The following PFKL variants were observed in gnomAD, a reference collection of about 807,000 sequenced individuals.
PFKL encodes the protein phosphofructokinase, liver type, also known as ATP-dependent 6-phosphofructokinase, liver type.
A neutral mutation model predicts 92.1 loss-of-function variants in PFKL; 74 were observed. The observed-to-expected ratio is 0.80, with a 90% CI of 0.67 to 0.97. The LOEUF (loss-of-function observed/expected upper bound fraction) is 0.97, where lower values mean the gene tolerates loss of function less well. Among genes scored for constraint, PFKL ranks in the 50% least tolerant of loss-of-function variants. PFKL has a pLI of 0.00. For missense variants in PFKL, 1,028 were observed against 1,116.6 expected (o/e 0.92, Z 1.13); for synonymous variants, 494 against 456.4 (o/e 1.08, Z -1.05).
intron 1 of PFKL, among the ~76,000 whole-genome samples, chr21:44,303,271 C>T (rs1040520889): frequency 6.6e-5 from 10 of 150,694 alleles, no homozygotes; most frequent in South Asian, 2.1e-4. Flanking sequence ...ATCAGCCAGG[C>T]GTGGTGGTAC....
intron 14 of PFKL, 75 bp downstream of exon 14, chr21:44,322,278 C>A (rs2047377882): frequency 2.1e-6 from 3 of 1,406,102 alleles, no homozygotes; most frequent in East Asian, 2.3e-5. Flanking sequence ...GTGGGGGCGG[C>A]AAGGGGAACC....
rs202193653 is a variant in PFKL at position 44,324,607 on chromosome 21, C to T, written c.1767C>T (p.Ala589=). ...LATVTGIAVG[A]DAAYVFEDPF... Reference sequence around the variant, plus strand: ...CCGTGACTGGCATTGCTGTGGGGGCCGACGCCGCCTACGTCTTCGAGGACC... The same window carrying T: ...CCGTGACTGGCATTGCTGTGGGGGCTGACGCCGCCTACGTCTTCGAGGACC... Residue 589 remains alanine (A), a synonymous_variant, in exon 17 of 22, where the codon GCC becomes GCT. Transcript: ENST00000349048. 39 of 1,611,494 alleles carry T rather than the reference C, an allele frequency of 2.4e-5. No individual in the cohort carries two copies. Among genetic ancestry groups the T allele is most frequent in the Admixed American group, 1.0e-4 (6 of 59,796 alleles).
chr21:44,300,866 C>G (rs1369073755), intron 1 of PFKL, among the ~76,000 whole-genome samples: 1 of 152,198 alleles, frequency 6.6e-6, no homozygotes, highest in Non-Finnish European at 1.5e-5. Flanking sequence ...CACGCTCCCT[C>G]CCGGAGGCCT....
intron 4 of PFKL, 76 bp downstream of exon 4, chr21:44,312,370 A>G: frequency 7.4e-7 from 1 of 1,352,868 alleles, no homozygotes. Context: ...AATGGGCAGG[A>G]CAGAGGGACG....
At chr21:44,306,069 A>C in intron 1 of PFKL, 22 of 766,932 alleles carry the variant, frequency 2.9e-5, no homozygotes, top group Non-Finnish European at 4.1e-5. Flanking sequence ...TGCTTTCCTC[A>C]GTGCCCAGAG....
At chr21:44,305,815 A>C (rs1236396925) in intron 1 of PFKL, 1 of 1,366,808 alleles carries the variant, frequency 7.3e-7, no homozygotes, top group African/African-American at 1.5e-5. Flanking sequence ...TGGCTTTGCC[A>C]AGGCCCCCGC....
chr21:44,308,851 T>C (rs9306096), intron 2 of PFKL, among the ~76,000 whole-genome samples: 58,533 of 151,954 alleles, frequency 0.39, 11,887 homozygotes, highest in East Asian at 0.66. Context: ...CGCGAGCCAC[T>C]GTGCACGGCC....
Position 44,301,722 on chromosome 21 carries a change from G to A in PFKL, c.85+1532G>A, listed in dbSNP as rs796278257. On this transcript the variant is annotated intron_variant, in intron 1 of 21. Coordinates refer to ENST00000349048, the MANE Select transcript of PFKL (RefSeq NM_002626.6). The stretch of plus-strand genomic sequence containing the variant: ...CAGCCCGCCTGCCCACCAGGGAGGC[G>A]CTTTCTTGGTGAGGCTGGTGAAGCC... 2.0e-4 allele frequency among the ~76,000 whole-genome samples: 30 copies of A among 152,228 alleles called. No individual in the cohort carries two copies. In the South Asian group the frequency reaches 2.7e-3, roughly 14 times the overall value.
chr21:44,313,293 A>T, intron 5 of PFKL, 150 bp downstream of exon 5: 1 of 895,008 alleles, frequency 1.1e-6, no homozygotes, highest in Non-Finnish European at 1.7e-6. Flanking sequence ...AGCTGGGGGA[A>T]CGCACAGCGG....
Position 44,305,741 on chromosome 21 carries a change from G to A in PFKL, c.86-940G>A, listed in dbSNP as rs1011425123. 20 of 1,345,656 alleles carry A rather than the reference G, an allele frequency of 1.5e-5. No homozygotes were observed. The African/African-American group carries it at 2.1e-4, about 14-fold the overall frequency. The allele number at this position is 1,345,656 out of a possible 1,614,324, so 83.4% of individuals were successfully genotyped here. A position where few individuals can be genotyped will look rare whatever the true frequency, so the allele number is the denominator to read the frequency against. ...TGGGGGCTCTCGGGAAGAAGGTGTG[G>A]GGTACATTAGCACCAGCGTTTCCTG... On this transcript the variant is annotated intron_variant, in intron 1 of 21. Coordinates refer to ENST00000349048, the MANE Select transcript of PFKL (RefSeq NM_002626.6).
rs747131688 is a variant in PFKL, at chr21:44,323,809, A to G, written c.1541A>G (p.Tyr514Cys). Residue 514 changes from tyrosine (Y) to cysteine (C), a missense_variant, in exon 16 of 22, where the codon TAC becomes TGC. Coordinates refer to ENST00000349048, the MANE Select transcript of PFKL (RefSeq NM_002626.6). The part of the protein sequence containing the change: ...VLQLVEARGR[Y>C]EELCIVMCVI... ...CAGCTGGTGGAGGCTCGCGGGCGCT[A>G]CGAGGAGCTCTGCATCGTCATGTGT... The G allele has an allele frequency of 2.5e-6, 4 of 1,612,838 alleles. No individual in the cohort carries two copies. The Admixed American group carries it at 6.7e-5, about 27-fold the overall frequency.
At chr21:44,317,453 C>T (rs373861693) in intron 9 of PFKL, among the ~76,000 whole-genome samples, 8 of 152,322 alleles carry the variant, frequency 5.3e-5, no homozygotes, top group African/African-American at 1.9e-4. Context: ...TGAAGAGCCT[C>T]TTGAGGGGCC....
At chr21:44,323,113 A>AG (rs2047401675) in intron 15 of PFKL, 64 bp downstream of exon 15, 1 of 1,339,888 alleles carries the variant, frequency 7.5e-7, no homozygotes. Context: ...CCTCCCGCCG[A>AG]GGGGGCCCAT....
rs1006923128 is a variant in PFKL, at chr21:44,321,528, C to T, written c.1192-201C>T. ...AGGGGGCCAGGCTTGCACCGTGTCT[C>T]TTTTGGTCTTCACCAGAATCTTCTG... On this transcript the variant is annotated intron_variant, in intron 12 of 21. Transcript: ENST00000349048. 4.3e-5 allele frequency: 21 copies of T among 483,124 alleles called. 1 individual carries two copies. In the Admixed American group the frequency reaches 8.4e-4, roughly 19 times the overall value. The allele number at this position is 483,124 out of a possible 1,614,324, so 29.9% of individuals were successfully genotyped here.
rs754394939 is a variant in PFKL at position 44,304,501 on chromosome 21, G to T, written c.86-2180G>T. Reference sequence around the variant, plus strand: ...GGACCAGGTCTGCAGGGAGGGCGAGGGAGGGACGGAGGCTTAGCTTCGGCC... The same window carrying T: ...GGACCAGGTCTGCAGGGAGGGCGAGTGAGGGACGGAGGCTTAGCTTCGGCC... On this transcript the variant is annotated intron_variant, in intron 1 of 21. Transcript: ENST00000349048. The T allele has an allele frequency of 6.1e-6, 7 of 1,153,756 alleles. No homozygotes were observed. The African/African-American group carries it at 1.2e-4, about 19-fold the overall frequency. The allele number at this position is 1,153,756 out of a possible 1,614,324, so 71.5% of individuals were successfully genotyped here.
intron 21 of PFKL, 96 bp downstream of exon 21, chr21:44,326,360 C>T: frequency 1.1e-6 from 1 of 934,968 alleles, no homozygotes; most frequent in Non-Finnish European, 1.6e-6. Flanking sequence ...CCACTGGCAC[C>T]CTGACCCCGC....
chr21:44,315,768 C>A, intron 7 of PFKL: 1 of 209,482 alleles, frequency 4.8e-6, no homozygotes. Context: ...GGAGCCCTGG[C>A]TGGTGCCAGC....
intron 2 of PFKL, among the ~76,000 whole-genome samples, chr21:44,308,102 A>C (rs909113812): frequency 6.6e-6 from 1 of 152,048 alleles, no homozygotes; most frequent in Non-Finnish European, 1.5e-5. Context: ...AGGTGGGGGA[A>C]TGCAGGAGGG....
rs748745019 is a variant in PFKL, at chr21:44,324,530, C to T, written c.1690C>T (p.Arg564Cys). The change falls in exon 17 of 22, where the codon CGC (arginine) becomes TGC (cysteine). Residue 564 changes from arginine (R) to cysteine (C), a missense_variant. Physicochemically the swap from Arg to Cys is radical, Grantham distance 180 (BLOSUM62 -3). Transcript: ENST00000349048. ...RIKQSASGTK[R>C]RVFIVETMGG... ...CAAACAGTCTGCCTCGGGGACCAAG[C>T]GCCGTGTGTTCATCGTGGAGACCAT... is the stretch of plus-strand genomic sequence containing the variant. 1.2e-6 allele frequency: 2 copies of T among 1,613,448 alleles called. No homozygotes were observed. Among genetic ancestry groups the T allele is most frequent in the Non-Finnish European group, 1.7e-6 (2 of 1,179,906 alleles).
Sources: allele counts gnomAD v4.1 joint callset (sites outside exome capture counted in the v4.1 genomes callset), GRCh38; gene constraint gnomAD v4.1.1; transcripts MANE v1.5; gene names NCBI Gene and HGNC (gene_info 2026-07-23, HGNC 2026-07-21).